ANKS1B: variants seen among roughly 807,000 people sequenced by gnomAD.
The protein encoded by ANKS1B is ankyrin repeat and sterile alpha motif domain containing 1B.
ANKS1B carries 36 observed loss-of-function variants against 148.3 expected under a neutral mutation model. That is an observed-to-expected ratio of 0.24 (90% CI 0.19 to 0.32). The LOEUF (loss-of-function observed/expected upper bound fraction) is 0.32, where lower values mean the gene tolerates loss of function less well. Ranked by LOEUF, ANKS1B falls within the 10% of genes least tolerant of loss-of-function variation. ANKS1B has a pLI of 1.00. For synonymous variants in ANKS1B, 542 were observed against 560.8 expected, an observed-to-expected ratio of 0.97 and a Z score of 0.47; for missense variants, 1,157 against 1,542.6, an observed-to-expected ratio of 0.75 and a Z score of 4.19.
intron 8 of ANKS1B, among the ~76,000 whole-genome samples, chr12:99,677,005 A>C (rs1184594125): frequency 1.3e-5 from 2 of 152,250 alleles, no homozygotes; most frequent in Non-Finnish European, 2.9e-5. Flanking sequence ...TCTTACTGAC[A>C]TATATCCCAA....
At chr12:99,469,609 C>A (rs975912583) in intron 10 of ANKS1B, among the ~76,000 whole-genome samples, 5 of 151,892 alleles carry the variant, frequency 3.3e-5, no homozygotes, top group Non-Finnish European at 7.4e-5. Flanking sequence ...CAGAGTATTA[C>A]GGACAAAACA....
intron 8 of ANKS1B, among the ~76,000 whole-genome samples, chr12:99,770,813 C>G (rs2063121805): frequency 6.6e-6 from 1 of 152,070 alleles, no homozygotes. Flanking sequence ...TGCTCTTACT[C>G]ATATATACCA....
intron 17 of ANKS1B, among the ~76,000 whole-genome samples, chr12:98,840,370 T>C (rs1038402483): frequency 6.6e-6 from 1 of 152,172 alleles, no homozygotes; most frequent in Non-Finnish European, 1.5e-5. Flanking sequence ...CAACTGCTAC[T>C]AAATAATCAG....
At chr12:99,568,315 G>A (rs1339024382) in intron 9 of ANKS1B, among the ~76,000 whole-genome samples, 1 of 152,148 alleles carries the variant, frequency 6.6e-6, no homozygotes, top group Non-Finnish European at 1.5e-5. Flanking sequence ...CCTACTCTGA[G>A]ATTTCCACCT....
At chr12:99,214,266 C>G (rs2083798606) in intron 14 of ANKS1B, among the ~76,000 whole-genome samples, 1 of 152,140 alleles carries the variant, frequency 6.6e-6, no homozygotes, top group South Asian at 2.1e-4. Flanking sequence ...ATAACTTATA[C>G]TTTTACATCA....
At chr12:98,900,885 G>A (rs1028987014) in intron 17 of ANKS1B, among the ~76,000 whole-genome samples, 1 of 152,118 alleles carries the variant, frequency 6.6e-6, no homozygotes, top group Non-Finnish European at 1.5e-5. Flanking sequence ...CTCTCTCTGG[G>A]CAACTCTAAT....
rs147398343 is a variant in ANKS1B at position 99,620,772 on chromosome 12, A to G, written c.1272+34295T>C. Reference sequence around the variant, plus strand: ...AGATAAGATTATGTAAAGTGACCAAACCCATGAATTATTGGCATTGATGAG... The same window carrying G: ...AGATAAGATTATGTAAAGTGACCAAGCCCATGAATTATTGGCATTGATGAG... On this transcript the variant is annotated intron_variant, in intron 9 of 26. Transcript: ENST00000683438. Among the ~76,000 whole-genome samples, 1,258 of 152,274 alleles carry G rather than the reference A, an allele frequency of 8.3e-3. 22 individuals are homozygous for G. The highest frequency in any genetic ancestry group is 0.029 in the African/African-American group (1,200 of 41,570).
intron 17 of ANKS1B, among the ~76,000 whole-genome samples, chr12:98,869,969 A>G (rs1053397475): frequency 2.0e-5 from 3 of 152,178 alleles, no homozygotes; most frequent in East Asian, 1.9e-4. Flanking sequence ...AGTCTTGTCA[A>G]TAGCCAAGAT....
intron 9 of ANKS1B, among the ~76,000 whole-genome samples, chr12:99,597,958 T>A (rs553969736): frequency 1.3e-5 from 2 of 152,148 alleles, no homozygotes; most frequent in Admixed American, 1.3e-4. Context: ...GTCTCTCAGA[T>A]GGCCTACCTC....
chr12:99,416,747 C>A (rs1416179688), intron 11 of ANKS1B, among the ~76,000 whole-genome samples: 1 of 152,126 alleles, frequency 6.6e-6, no homozygotes, highest in Non-Finnish European at 1.5e-5. Flanking sequence ...AGATATTATT[C>A]TTTGTTAGAT....
intron 14 of ANKS1B, among the ~76,000 whole-genome samples, chr12:99,208,730 T>C (rs971848445): frequency 2.6e-5 from 4 of 152,306 alleles, no homozygotes; most frequent in Non-Finnish European, 5.9e-5. Flanking sequence ...GATTTACTTA[T>C]GTAAGACTGA....
Position 98,782,151 on chromosome 12 carries a change from C to A in ANKS1B, c.3343-14G>T. 6.3e-7 allele frequency: 1 copy of A among 1,596,054 alleles called. No individual in the cohort carries two copies. Among genetic ancestry groups the A allele is most frequent in the East Asian group, 2.3e-5 (1 of 44,422 alleles). The stretch of plus-strand genomic sequence containing the variant: ...CTGACAGTTAGCCTGGTGGATTTTC[C>A]AGTTAAGACAGATGGGAACATAATA... On this transcript the variant is annotated splice_polypyrimidine_tract_variant and intron_variant, in intron 22 of 26. Transcript: ENST00000683438.
At chr12:99,148,929 C>A (rs957675791) in intron 15 of ANKS1B, among the ~76,000 whole-genome samples, 1 of 151,940 alleles carries the variant, frequency 6.6e-6, no homozygotes, top group Non-Finnish European at 1.5e-5. Context: ...ATAAGGCCAC[C>A]CACTCAACTC....
At chr12:99,298,745 C>T (rs968125616) in intron 12 of ANKS1B, among the ~76,000 whole-genome samples, 1 of 152,036 alleles carries the variant, frequency 6.6e-6, no homozygotes, top group African/African-American at 2.4e-5. Flanking sequence ...GTCAATCTGG[C>T]CATAGCCTAT....
At chr12:99,579,479 A>G (rs1029498519) in intron 9 of ANKS1B, among the ~76,000 whole-genome samples, 3 of 152,186 alleles carry the variant, frequency 2.0e-5, no homozygotes, top group Non-Finnish European at 4.4e-5. Flanking sequence ...GCTAGAATCT[A>G]TAAGAAACAT....
chr12:98,801,193 G>A lies in ANKS1B; in HGVS notation c.3142-68C>T. ...AAAGTTCATTCCCTGTAGCTACCCT[G>A]AGCTCACCTTACACACAGGTGCTGT... On this transcript the variant is annotated intron_variant, in intron 20 of 26. Coordinates refer to ENST00000683438, the MANE Select transcript of ANKS1B (RefSeq NM_001352186.2). This position sits in a 1 kb window ranked among gnomAD's most constrained non-coding sequence, Gnocchi z 5.2. The A allele has an allele frequency of 3.9e-6, 6 of 1,555,242 alleles. No homozygotes were observed. Among genetic ancestry groups the A allele is most frequent in the Non-Finnish European group, 5.3e-6 (6 of 1,140,162 alleles).
chr12:98,798,224 C>A (rs951966167), intron 22 of ANKS1B, among the ~76,000 whole-genome samples: 2 of 151,316 alleles, frequency 1.3e-5, no homozygotes, highest in Non-Finnish European at 2.9e-5. Flanking sequence ...CAGGTTCAAG[C>A]GATTCTCCTG....
intron 12 of ANKS1B, among the ~76,000 whole-genome samples, chr12:99,249,172 G>C (rs1488586034): frequency 6.6e-6 from 1 of 152,150 alleles, no homozygotes; most frequent in East Asian, 1.9e-4. Flanking sequence ...CATTTTGAAA[G>C]TTGCTGAAGA....
chr12:99,867,440 G>A (rs1261108047), intron 1 of ANKS1B, among the ~76,000 whole-genome samples: 1 of 152,134 alleles, frequency 6.6e-6, no homozygotes, highest in Non-Finnish European at 1.5e-5. Context: ...AGAAAAAGAG[G>A]TTTAACGGAC....
Sources: gnomAD v4.1 joint callset for allele counts (sites outside exome capture counted in the v4.1 genomes callset) on GRCh38, gnomAD v4.1.1 for gene constraint, Gnocchi (gnomAD v3.1) non-coding constraint, MANE v1.5 for transcripts, NCBI Gene and HGNC (gene_info 2026-07-23, HGNC 2026-07-21) for gene names.